The following CLTC variants were observed in gnomAD, a reference collection of about 807,000 sequenced individuals.
CLTC encodes the protein clathrin heavy chain, also known as clathrin heavy chain 1.
In CLTC, 16 loss-of-function variants were observed where a neutral mutation model predicts 195.8. That is an observed-to-expected ratio of 0.08 (90% CI 0.06 to 0.12). The LOEUF is 0.12. CLTC is among the 10% of genes least tolerant of loss of function. The probability of loss-of-function intolerance (pLI) is 1.00; values close to 1 mark genes in which losing one functional copy is unlikely to be tolerated. For missense variants in CLTC, 796 were observed against 2,027.0 expected (o/e 0.39, Z 11.66); for synonymous variants, 667 against 689.4 (o/e 0.97, Z 0.51).
intron 1 of CLTC, among the ~76,000 whole-genome samples, chr17:59,626,518 A>T (rs909496945): frequency 6.6e-6 from 1 of 152,172 alleles, no homozygotes; most frequent in Non-Finnish European, 1.5e-5. Flanking sequence ...TGTTAGAGTT[A>T]TTGTATGTGT....
intron 8 of CLTC, 93 bp from the exon 9 acceptor site, chr17:59,663,749 A>G: frequency 4.9e-6 from 5 of 1,027,332 alleles, no homozygotes; most frequent in Non-Finnish European, 5.7e-6. Flanking sequence ...AGTACCTTTC[A>G]TACTAGTTAT....
intron 4 of CLTC, among the ~76,000 whole-genome samples, chr17:59,649,330 C>T (rs7220146): frequency 0.78 from 117,912 of 152,084 alleles, 46,666 homozygotes; most frequent in East Asian, 0.94. Flanking sequence ...CTTGGAAATT[C>T]GATTTGACTA....
At chr17:59,626,164 G>A (rs992152827) in intron 1 of CLTC, among the ~76,000 whole-genome samples, 3 of 152,140 alleles carry the variant, frequency 2.0e-5, no homozygotes, top group African/African-American at 7.2e-5. Flanking sequence ...TAAACAAGAT[G>A]GACTACACCT....
Position 59,681,198 on chromosome 17 carries a change from T to G in CLTC, c.3066-97T>G, listed in dbSNP as rs2033074462. 6.9e-7 allele frequency: 1 copy of G among 1,456,954 alleles called. No individual in the cohort carries two copies. The highest frequency in any genetic ancestry group is 2.0e-5 in the Admixed American group (1 of 48,856). 90.3% of individuals were successfully genotyped at this position (1,456,954 alleles called of 1,614,324 possible). On this transcript the variant is annotated intron_variant, in intron 19 of 31. Coordinates refer to ENST00000269122, the MANE Select transcript of CLTC (RefSeq NM_004859.4). The surrounding 1 kb of genome is among the most constrained non-coding windows in gnomAD (Gnocchi z 5.0). ...CTAATATCCTCCCCCCTACCCTACC[T>G]CTTGAGACAAAAACCTCTCCGTTAG...
At chr17:59,641,527 G>C (rs986704684) in intron 1 of CLTC, among the ~76,000 whole-genome samples, 2 of 147,798 alleles carry the variant, frequency 1.4e-5, no homozygotes, top group African/African-American at 5.0e-5. Flanking sequence ...CTTGAACCTA[G>C]GAGGCAGAGG....
intron 7 of CLTC, 67 bp from the exon 8 acceptor site, chr17:59,661,376 C>T (rs150604178): frequency 2.3e-5 from 29 of 1,283,570 alleles, no homozygotes; most frequent in African/African-American, 2.9e-5. Flanking sequence ...GGATCACTTT[C>T]GAAGAGCGTT....
chr17:59,622,468 A>G (rs936032909), intron 1 of CLTC, among the ~76,000 whole-genome samples: 59 of 152,236 alleles, frequency 3.9e-4, no homozygotes, highest in African/African-American at 1.3e-3. Context: ...GCCTTGACCT[A>G]CTGGGCTCAA....
chr17:59,649,130 C>T (rs2032267235), intron 4 of CLTC, among the ~76,000 whole-genome samples: 1 of 152,094 alleles, frequency 6.6e-6, no homozygotes, highest in Non-Finnish European at 1.5e-5. Flanking sequence ...GAAACAAGGT[C>T]TGGTTGATTA....
At chr17:59,620,747 C>A (rs1401634728) in intron 1 of CLTC, among the ~76,000 whole-genome samples, 1 of 152,098 alleles carries the variant, frequency 6.6e-6, no homozygotes, top group East Asian at 1.9e-4. Context: ...TTTCTCTTGC[C>A]TTCCCTGAGG....
chr17:59,677,118 G>T lies in CLTC; in HGVS notation c.2726G>T (p.Cys909Phe). 1 of 1,614,100 alleles carries T rather than the reference G, an allele frequency of 6.2e-7. No homozygotes were observed. The highest frequency in any genetic ancestry group is 8.5e-7 in the Non-Finnish European group (1 of 1,179,998). The change falls in exon 17 of 32, where the codon TGT becomes TTT. Residue 909 changes from cysteine (C) to phenylalanine (F), a missense_variant. By Grantham distance (205) the Cys-to-Phe change is radical (BLOSUM62 -2). This residue lies in a region of CLTC where 160 missense variants were observed against 448.2 expected (regional missense o/e 0.36). Transcript: ENST00000269122. ...YYDSRVVGKY[C>F]EKRDPHLACV... ...GACAGTCGCGTTGTTGGAAAGTATT[G>T]TGAGAAGAGAGATCCACATCTGGCC...
chr17:59,662,223 T>C (rs904423510), intron 8 of CLTC, among the ~76,000 whole-genome samples: 59 of 152,216 alleles, frequency 3.9e-4, no homozygotes, highest in African/African-American at 1.4e-3. Context: ...ATATTTAACT[T>C]GGTTTCTTGA....
At position 59,686,888 on chromosome 17, in the gene CLTC, CT is replaced by C. The variant is rs142953085; in HGVS notation, c.4827+1085del. The C allele has an allele frequency of 4.9e-5, 27 of 555,580 alleles. No individual in the cohort carries two copies. In the East Asian group the frequency reaches 3.8e-3, roughly 78 times the overall value. 34.4% of individuals were successfully genotyped at this position (555,580 alleles called of 1,614,324 possible). On this transcript the variant is annotated intron_variant, in intron 30 of 31. Coordinates refer to ENST00000269122, the MANE Select transcript of CLTC (RefSeq NM_004859.4). Reference sequence around the variant, plus strand: ...CCCTTTATTTTCACTTCTCTCATACCTTTTTAGTGGTTAGATGTTTCTTCCC... The same window carrying C: ...CCCTTTATTTTCACTTCTCTCATACCTTTTAGTGGTTAGATGTTTCTTCCC...
In CLTC at chr17:59,691,631, A is replaced by AT. The variant is rs1477113929; in HGVS notation, c.4903+920_4903+921insT. ...AGAGCAAGACTCCGCCTTAAAAAAA[A>AT]AATATATATATATATATACATATAT... is the stretch of plus-strand genomic sequence containing the variant. On this transcript the variant is annotated intron_variant, in intron 31 of 31. Transcript: ENST00000269122. Among the ~76,000 whole-genome samples, 381 of 146,922 alleles carry AT rather than the reference A, an allele frequency of 2.6e-3. 2 individuals carry two copies. Among genetic ancestry groups the AT allele is most frequent in the East Asian group, 7.9e-3 (40 of 5,062 alleles).
chr17:59,672,352 GA>G (rs1476080908), intron 14 of CLTC, among the ~76,000 whole-genome samples: 7 of 152,148 alleles, frequency 4.6e-5, no homozygotes, highest in African/African-American at 1.7e-4. Context: ...ACCTATGCAT[GA>G]AAACAGAATA....
Position 59,651,221 on chromosome 17 carries a change from G to C in CLTC, c.700G>C (p.Gly234Arg). ...TGAACAGTTACATATTATTGAAGTT[G>C]GCACACCACCTACAGGGAACCAGCC... is the stretch of plus-strand genomic sequence containing the variant. The part of the protein sequence containing the change: ...AGGKLHIIEV[G>R]TPPTGNQPFP... The change falls in exon 5 of 32, where the codon GGC becomes CGC. Residue 234 changes from glycine to arginine, a missense_variant. This residue lies in a region of CLTC where 293 missense variants were observed against 795.6 expected (regional missense o/e 0.37). Coordinates refer to ENST00000269122, the MANE Select transcript of CLTC (RefSeq NM_004859.4). 1 of 1,610,706 alleles carries C rather than the reference G, an allele frequency of 6.2e-7. No homozygotes were observed. Among genetic ancestry groups the C allele is most frequent in the East Asian group, 2.2e-5 (1 of 44,822 alleles).
intron 1 of CLTC, among the ~76,000 whole-genome samples, chr17:59,621,560 T>G (rs1034589615): frequency 6.6e-5 from 10 of 152,252 alleles, no homozygotes; most frequent in Non-Finnish European, 1.5e-4. Context: ...TTACCATGTT[T>G]GCACTAGCAA....
chr17:59,635,302 A>G (rs2031831021), intron 1 of CLTC, among the ~76,000 whole-genome samples: 1 of 152,226 alleles, frequency 6.6e-6, no homozygotes, highest in African/African-American at 2.4e-5. Context: ...GCTGTCATAA[A>G]CCAGTTTTCA....
intron 5 of CLTC, among the ~76,000 whole-genome samples, chr17:59,655,413 A>G (rs1389107611): frequency 6.6e-6 from 1 of 152,248 alleles, no homozygotes; most frequent in Non-Finnish European, 1.5e-5. Context: ...GATCAACATG[A>G]CAGATACAAT....
In CLTC at chr17:59,681,313, T is replaced by A; in HGVS notation, c.3084T>A (p.Leu1028=). Residue 1028 remains leucine, a synonymous_variant, in exon 20 of 32, where the codon CTT becomes CTA. Coordinates refer to ENST00000269122, the MANE Select transcript of CLTC (RefSeq NM_004859.4). This position sits in a 1 kb window ranked among gnomAD's most constrained non-coding sequence, Gnocchi z 5.0. The part of the protein sequence containing the change: ...FSEHRNLQNL[L]ILTAIKADRT... ...CTTAAAGGAATCTGCAAAACCTCCTTATCCTCACTGCAATTAAGGCTGACC... is the reference window on the plus strand; with the variant it reads ...CTTAAAGGAATCTGCAAAACCTCCTAATCCTCACTGCAATTAAGGCTGACC... 1 of 1,612,468 alleles carries A rather than the reference T, an allele frequency of 6.2e-7. No homozygotes were observed. Among genetic ancestry groups the A allele is most frequent in the Non-Finnish European group, 8.5e-7 (1 of 1,179,000 alleles).
Sources: allele counts gnomAD v4.1 joint callset (sites outside exome capture counted in the v4.1 genomes callset), GRCh38; gene constraint gnomAD v4.1.1; regional missense constraint gnomAD v4.1.1; non-coding constraint Gnocchi (gnomAD v3.1); transcripts MANE v1.5; gene names NCBI Gene and HGNC (gene_info 2026-07-23, HGNC 2026-07-21).